SAXO5: variants seen among roughly 807,000 people sequenced by gnomAD.
SAXO5 encodes stabilizer of axonemal microtubules 5, also known as testis expressed 45.
chr19:7,503,233 C>T, the SAXO5 span, among the ~76,000 whole-genome samples: 1,848 of 152,038 alleles, frequency 0.012, 42 homozygotes, highest in African/African-American at 0.042. Context: ...CCTGGTGGTG[C>T]GTTCCTGTAA....
At chr19:7,504,756 T>C in the SAXO5 span, among the ~76,000 whole-genome samples, 2,054 of 151,470 alleles carry the variant, frequency 0.014, 51 homozygotes, top group African/African-American at 0.047. Context: ...CCCACCCAGA[T>C]GGGACAACTG....
the SAXO5 span, chr19:7,505,320 A>T: frequency 6.2e-7 from 1 of 1,613,292 alleles, no homozygotes. Context: ...TACACTACGT[A>T]CAGGTATGAC....
At chr19:7,501,011 C>T in the SAXO5 span, 3 of 1,528,306 alleles carry the variant, frequency 2.0e-6, no homozygotes, top group Middle Eastern at 2.0e-4. Context: ...AGCCGCCGCC[C>T]GCGCTGCTTT....
chr19:7,506,937 T>C, the SAXO5 span: 1 of 739,344 alleles, frequency 1.4e-6, no homozygotes, highest in Non-Finnish European at 2.3e-6. Context: ...TTTTCTCCCC[T>C]GGTCAACTTC....
chr19:7,507,011 C>T, the SAXO5 span: 331 of 1,528,174 alleles, frequency 2.2e-4, no homozygotes, highest in East Asian at 7.4e-3. Context: ...TCAGCCCCGC[C>T]TCGGCCCACA....
At chr19:7,498,204 T>C in the SAXO5 span, among the ~76,000 whole-genome samples, 1 of 133,074 alleles carries the variant, frequency 7.5e-6, no homozygotes, top group African/African-American at 3.1e-5. Flanking sequence ...CACACACCCT[T>C]CATCCATGTT....
At chr19:7,499,921 A>T in the SAXO5 span, 1 of 92,404 alleles carries the variant, frequency 1.1e-5, no homozygotes, top group Non-Finnish European at 2.3e-5. Context: ...AGCCCACCAC[A>T]CTTGTCTAAT....
At chr19:7,506,841 A>G in the SAXO5 span, 2 of 336,070 alleles carry the variant, frequency 6.0e-6, no homozygotes, top group Non-Finnish European at 1.0e-5. Context: ...CCTCTTTCCC[A>G]GCTCCTCCCT....
At chr19:7,501,109 T>G in the SAXO5 span, 46 of 1,504,988 alleles carry the variant, frequency 3.1e-5, no homozygotes, top group African/African-American at 5.2e-4. Context: ...CCGTGGGAGC[T>G]GCTGCAAGCG....
chr19:7,498,474 A>G, the SAXO5 span, among the ~76,000 whole-genome samples: 1 of 139,400 alleles, frequency 7.2e-6, no homozygotes, highest in Non-Finnish European at 1.5e-5. Context: ...TTGGCTCACC[A>G]CGACTTCTGC....
the SAXO5 span, chr19:7,501,151 C>T: frequency 6.6e-7 from 1 of 1,511,196 alleles, no homozygotes; most frequent in Non-Finnish European, 8.8e-7. Flanking sequence ...GCCATGCAGG[C>T]CGGCAACCTG....
the SAXO5 span, chr19:7,508,150 GGTGGAT>G: frequency 6.8e-7 from 1 of 1,468,504 alleles, no homozygotes; most frequent in Non-Finnish European, 9.4e-7. Context: ...GGGTGGACAG[GGTGGAT>G]CGGCCACCTC....
the SAXO5 span, among the ~76,000 whole-genome samples, chr19:7,507,728 G>T: frequency 6.6e-6 from 1 of 152,002 alleles, no homozygotes; most frequent in Non-Finnish European, 1.5e-5. Context: ...CCCAGCCCTG[G>T]AGTCCTTCCA....
chr19:7,499,534 G>A, the SAXO5 span: 2 of 152,518 alleles, frequency 1.3e-5, no homozygotes, highest in African/African-American at 4.8e-5. Flanking sequence ...GACTGAGGGT[G>A]AGAAGACGCG....
chr19:7,503,234 G>A, the SAXO5 span, among the ~76,000 whole-genome samples: 44 of 152,172 alleles, frequency 2.9e-4, no homozygotes, highest in Non-Finnish European at 5.1e-4. Context: ...CTGGTGGTGC[G>A]TTCCTGTAAT....
the SAXO5 span, chr19:7,503,977 T>C: frequency 1.7e-6 from 1 of 587,494 alleles, no homozygotes; most frequent in East Asian, 2.8e-5. Context: ...TTTTGGTGTT[T>C]GCCAGACAGC....
chr19:7,504,275 G>T, the SAXO5 span: 1 of 1,613,694 alleles, frequency 6.2e-7, no homozygotes, highest in Non-Finnish European at 8.5e-7. Flanking sequence ...TTGGGGGCTG[G>T]GTGGTTTGGG....
chr19:7,506,258 AGCCCCGC>A, the SAXO5 span: 2 of 1,025,246 alleles, frequency 2.0e-6, no homozygotes, highest in Non-Finnish European at 1.3e-6. Context: ...CTCCCCATGG[AGCCCCGC>A]CCCCACGGAG....
chr19:7,504,127 C>A, the SAXO5 span: 1 of 1,613,074 alleles, frequency 6.2e-7, no homozygotes. Flanking sequence ...TAAGGGGGCC[C>A]CAACACCCTC....
Sources: gnomAD v4.1 joint callset for allele counts (sites outside exome capture counted in the v4.1 genomes callset) on GRCh38, gnomAD v4.1.1 for gene constraint, MANE v1.5 for transcripts, NCBI Gene and HGNC (gene_info 2026-07-23, HGNC 2026-07-21) for gene names.